PCNX2: variants seen among roughly 807,000 people sequenced by gnomAD.
PCNX2 encodes pecanex-like protein 2.
PCNX2 carries 168 observed loss-of-function variants against 223.8 expected under a neutral mutation model. The ratio of observed to expected loss-of-function variants is 0.75; its 90% CI spans 0.66 to 0.85. The LOEUF (loss-of-function observed/expected upper bound fraction) is 0.85, where lower values mean the gene tolerates loss of function less well. PCNX2 is among the 40% of genes least tolerant of loss of function. The pLI is 0.00. For synonymous variants in PCNX2, 1,006 were observed against 1,052.6 expected (o/e 0.96, Z 0.86); for missense variants, 2,507 against 2,675.5 (o/e 0.94, Z 1.39).
chr1:233,026,987 A>T (rs1174905130), intron 25 of PCNX2, among the ~76,000 whole-genome samples: 1 of 152,202 alleles, frequency 6.6e-6, no homozygotes, highest in African/African-American at 2.4e-5. Context: ...TGCTAATAAG[A>T]GAGTGTACAG....
chr1:233,086,563 C>T (rs529168226), intron 23 of PCNX2, among the ~76,000 whole-genome samples: 6 of 151,714 alleles, frequency 4.0e-5, no homozygotes, highest in African/African-American at 9.7e-5. Flanking sequence ...CCCAGCTACT[C>T]GGGAGGCTGA....
intron 1 of PCNX2, among the ~76,000 whole-genome samples, chr1:233,281,478 T>C (rs759179606): frequency 2.6e-5 from 4 of 152,212 alleles, no homozygotes; most frequent in Non-Finnish European, 5.9e-5. Flanking sequence ...AAAGCTTCTA[T>C]ATTTCCCTCC....
chr1:233,253,309 T>C lies in PCNX2; in HGVS notation c.1835-521A>G, dbSNP rs1322183069. Reference sequence around the variant, plus strand: ...TCATAAAGCAAATACTTGTTAAGTATAGCTGGGGGCGGGGGTTGTTTTTGT... The same window carrying C: ...TCATAAAGCAAATACTTGTTAAGTACAGCTGGGGGCGGGGGTTGTTTTTGT... On this transcript the variant is annotated intron_variant, in intron 5 of 33. Coordinates refer to ENST00000258229, the MANE Select transcript of PCNX2 (RefSeq NM_014801.4). The surrounding 1 kb of genome is among the most constrained non-coding windows in gnomAD (Gnocchi z 4.2). Among the ~76,000 whole-genome samples, 4 of 152,200 alleles carry C rather than the reference T, an allele frequency of 2.6e-5. No homozygotes were observed. The highest frequency in any genetic ancestry group is 7.2e-5 in the African/African-American group (3 of 41,446).
intron 12 of PCNX2, among the ~76,000 whole-genome samples, chr1:233,214,693 A>G (rs2102922416): frequency 6.6e-6 from 1 of 152,314 alleles, no homozygotes; most frequent in East Asian, 1.9e-4. Flanking sequence ...CCCCATTAAT[A>G]TATTGCCATC....
At chr1:233,091,755 A>ATT (rs540148620) in intron 22 of PCNX2, among the ~76,000 whole-genome samples, 2,455 of 134,472 alleles carry the variant, frequency 0.018, 27 homozygotes, top group East Asian at 0.037. Flanking sequence ...AAAAATCATG[A>ATT]TTTTTTTTTT....
At chr1:233,085,395 G>GA (rs1206428709) in intron 23 of PCNX2, among the ~76,000 whole-genome samples, 2 of 151,468 alleles carry the variant, frequency 1.3e-5, no homozygotes, top group Non-Finnish European at 2.9e-5. Flanking sequence ...ATACAAAAAT[G>GA]AAAACTAAAC....
chr1:233,185,997 A>G (rs1376151749), intron 15 of PCNX2, among the ~76,000 whole-genome samples: 1 of 152,216 alleles, frequency 6.6e-6, no homozygotes, highest in Non-Finnish European at 1.5e-5. Context: ...ACGAGAATGC[A>G]TAGGGCAGTC....
intron 9 of PCNX2, among the ~76,000 whole-genome samples, chr1:233,228,703 A>T (rs1248426115): frequency 2.0e-5 from 3 of 152,206 alleles, no homozygotes; most frequent in African/African-American, 7.2e-5. Context: ...TTAATCCACT[A>T]ATCTGTCAAT....
intron 14 of PCNX2, among the ~76,000 whole-genome samples, chr1:233,199,473 GTA>G (rs1201298689): frequency 3.3e-5 from 5 of 152,050 alleles, no homozygotes; most frequent in African/African-American, 9.7e-5. Context: ...GTGTGTACGT[GTA>G]TGTGTTATGG....
intron 17 of PCNX2, among the ~76,000 whole-genome samples, chr1:233,167,446 A>G (rs557295306): frequency 6.6e-6 from 1 of 152,164 alleles, no homozygotes; most frequent in Non-Finnish European, 1.5e-5. Context: ...TAGAAATTAT[A>G]AAGTAGCAGA....
chr1:233,134,606 G>A (rs1222633217), intron 21 of PCNX2, among the ~76,000 whole-genome samples: 1 of 151,876 alleles, frequency 6.6e-6, no homozygotes, highest in Non-Finnish European at 1.5e-5. Context: ...AGGGAGGGAG[G>A]CAGGAAGGCA....
At chr1:233,240,432 T>C (rs1334016849) in intron 8 of PCNX2, among the ~76,000 whole-genome samples, 1 of 152,120 alleles carries the variant, frequency 6.6e-6, no homozygotes, top group Non-Finnish European at 1.5e-5. Flanking sequence ...CATTAATACA[T>C]ATAAAGTGAA....
intron 25 of PCNX2, among the ~76,000 whole-genome samples, chr1:233,027,004 T>C (rs1175500572): frequency 6.6e-6 from 1 of 152,114 alleles, no homozygotes; most frequent in African/African-American, 2.4e-5. Context: ...ACAGAGAGTA[T>C]GGAGAAGAGG....
chr1:233,290,799 T>A (rs1431227426), intron 1 of PCNX2: 54 of 985,288 alleles, frequency 5.5e-5, no homozygotes, highest in Non-Finnish European at 6.5e-5. Context: ...CAAGTCTGGC[T>A]AAAGTTAAAG....
At chr1:233,185,937 A>G (rs905713145) in intron 15 of PCNX2, among the ~76,000 whole-genome samples, 2 of 152,340 alleles carry the variant, frequency 1.3e-5, no homozygotes, top group Middle Eastern at 3.4e-3. Context: ...AAACTGTCTA[A>G]TAGTCCTACA....
At chr1:233,047,365 T>C (rs1671857475) in intron 25 of PCNX2, 8 of 984,466 alleles carry the variant, frequency 8.1e-6, no homozygotes, top group Non-Finnish European at 9.6e-6. Flanking sequence ...ACTGCAAAAT[T>C]CTAAGATCTC....
chr1:233,110,261 G>C (rs1267188031), intron 21 of PCNX2, among the ~76,000 whole-genome samples: 1 of 152,066 alleles, frequency 6.6e-6, no homozygotes, highest in East Asian at 1.9e-4. Flanking sequence ...AATCTTGAAG[G>C]CAGCCAGAAA....
intron 23 of PCNX2, among the ~76,000 whole-genome samples, chr1:233,079,125 G>A (rs1044748310): frequency 6.6e-6 from 1 of 152,142 alleles, no homozygotes; most frequent in Non-Finnish European, 1.5e-5. Flanking sequence ...ACTCAGCCCT[G>A]GAGGTACAAT....
intron 12 of PCNX2, 141 bp downstream of exon 12, chr1:233,217,752 TTATATA>T: frequency 1.3e-6 from 1 of 791,140 alleles, no homozygotes; most frequent in African/African-American, 1.8e-5. Context: ...CACCATGCAC[TTATATA>T]TATATATATT....
Sources: allele counts gnomAD v4.1 joint callset (sites outside exome capture counted in the v4.1 genomes callset), GRCh38; gene constraint gnomAD v4.1.1; non-coding constraint Gnocchi (gnomAD v3.1); transcripts MANE v1.5; gene names NCBI Gene and HGNC (gene_info 2026-07-23, HGNC 2026-07-21).